Variants in SKIC3 observed in about 807,000 individuals in gnomAD.
SKIC3 encodes the protein superkiller complex protein 3.
chr5:95,542,004 T>C, the SKIC3 span: 1 of 769,878 alleles, frequency 1.3e-6, no homozygotes, highest in Non-Finnish European at 2.1e-6. Context: ...CTATAAAGAT[T>C]ATTTCTGAAA....
the SKIC3 span, chr5:95,523,562 AATG>A: frequency 4.9e-6 from 7 of 1,427,574 alleles, no homozygotes; most frequent in Non-Finnish European, 6.6e-6. Context: ...AAAAAAAACT[AATG>A]ATAACTTTCA....
At chr5:95,513,556 T>C in the SKIC3 span, 2,751 of 1,611,382 alleles carry the variant, frequency 1.7e-3, 49 homozygotes, top group African/African-American at 0.033. Context: ...TCAAGAAGAA[T>C]GTTCAGATTC....
chr5:95,504,011 T>G, the SKIC3 span: 1 of 1,495,414 alleles, frequency 6.7e-7, no homozygotes, highest in Non-Finnish European at 9.1e-7. Context: ...TACTGAGATA[T>G]AATTACACTA....
the SKIC3 span, chr5:95,495,020 A>G: frequency 6.2e-7 from 1 of 1,613,586 alleles, no homozygotes; most frequent in Non-Finnish European, 8.5e-7. Flanking sequence ...ACACCTCCCT[A>G]GAACAGAAAA....
chr5:95,502,321 C>T, the SKIC3 span, among the ~76,000 whole-genome samples: 2 of 152,134 alleles, frequency 1.3e-5, no homozygotes, highest in Admixed American at 6.5e-5. Context: ...ACATTAATCA[C>T]TACTGCTTGT....
chr5:95,489,274 T>TAA, the SKIC3 span, among the ~76,000 whole-genome samples: 11 of 145,542 alleles, frequency 7.6e-5, no homozygotes, highest in African/African-American at 2.8e-4. Context: ...CCTCATCTCT[T>TAA]AAAAAAAAAA....
chr5:95,470,501 CTA>C, the SKIC3 span, among the ~76,000 whole-genome samples: 1 of 152,130 alleles, frequency 6.6e-6, no homozygotes, highest in African/African-American at 2.4e-5. Flanking sequence ...TGAATAAAAT[CTA>C]TCAGTCTTGT....
chr5:95,552,542 A>T, the SKIC3 span, among the ~76,000 whole-genome samples: 1 of 152,114 alleles, frequency 6.6e-6, no homozygotes, highest in African/African-American at 2.4e-5. Flanking sequence ...GACTGAGGGA[A>T]GTGTCTCAAT....
the SKIC3 span, among the ~76,000 whole-genome samples, chr5:95,534,116 CAATA>C: frequency 6.6e-6 from 1 of 150,398 alleles, no homozygotes; most frequent in East Asian, 1.9e-4. Context: ...AGGGGCCATA[CAATA>C]AAGAAAATCA....
the SKIC3 span, chr5:95,516,331 G>A: frequency 6.2e-7 from 1 of 1,612,118 alleles, no homozygotes; most frequent in Non-Finnish European, 8.5e-7. Context: ...TTTTAAATAT[G>A]ACAGACAGGC....
At chr5:95,524,976 C>T in the SKIC3 span, among the ~76,000 whole-genome samples, 1 of 151,912 alleles carries the variant, frequency 6.6e-6, no homozygotes, top group South Asian at 2.1e-4. Context: ...CTCCACCCCC[C>T]AGGTTCAAGC....
At chr5:95,524,497 C>G in the SKIC3 span, 2 of 1,613,498 alleles carry the variant, frequency 1.2e-6, no homozygotes, top group Non-Finnish European at 1.7e-6. Context: ...TTTGTTTTAT[C>G]TTTTCTTGTC....
At chr5:95,488,625 A>C in the SKIC3 span, among the ~76,000 whole-genome samples, 2 of 152,212 alleles carry the variant, frequency 1.3e-5, no homozygotes, top group African/African-American at 4.8e-5. Context: ...TTTCCCAGAC[A>C]AGTAAAAGTT....
chr5:95,492,586 G>A, the SKIC3 span, among the ~76,000 whole-genome samples: 30 of 113,788 alleles, frequency 2.6e-4, 1 homozygote, highest in South Asian at 1.3e-3. Context: ...GCAGTGAGCC[G>A]AGATCCCGCC....
the SKIC3 span, chr5:95,502,731 C>CTA: frequency 1.1e-6 from 1 of 890,124 alleles, no homozygotes; most frequent in East Asian, 2.5e-5. Context: ...GTAGCTCCAC[C>CTA]TGTGACTATC....
At chr5:95,533,766 G>C in the SKIC3 span, among the ~76,000 whole-genome samples, 1 of 152,020 alleles carries the variant, frequency 6.6e-6, no homozygotes, top group Non-Finnish European at 1.5e-5. Flanking sequence ...CCTTCACTAT[G>C]TCTTTATCAG....
At chr5:95,542,744 A>C in the SKIC3 span, among the ~76,000 whole-genome samples, 1 of 152,232 alleles carries the variant, frequency 6.6e-6, no homozygotes, top group South Asian at 2.1e-4. Flanking sequence ...AAAAAGTTGG[A>C]GAATCTAAGT....
At chr5:95,543,187 CCAAGCTAGTAATTG>C in the SKIC3 span, 1 of 1,613,870 alleles carries the variant, frequency 6.2e-7, no homozygotes, top group Non-Finnish European at 8.5e-7. Flanking sequence ...TACATACCTG[CCAAGCTAGTAATTG>C]GTCTGGCTCT....
the SKIC3 span, chr5:95,498,403 GC>G: frequency 6.2e-7 from 1 of 1,614,048 alleles, no homozygotes; most frequent in Admixed American, 1.7e-5. Flanking sequence ...TTTTTGCACA[GC>G]CACACTGCGG....
Sources: gnomAD v4.1 joint callset for allele counts (sites outside exome capture counted in the v4.1 genomes callset) on GRCh38, gnomAD v4.1.1 for gene constraint, MANE v1.5 for transcripts, NCBI Gene and HGNC (gene_info 2026-07-23, HGNC 2026-07-21) for gene names.